Variants in ZDHHC11B observed in about 807,000 individuals in gnomAD.
ZDHHC11B encodes probable palmitoyltransferase ZDHHC11B.
Under a neutral mutation model 42.3 loss-of-function variants are expected in ZDHHC11B, and 17 were observed. The ratio of observed to expected loss-of-function variants is 0.40; its 90% CI spans 0.27 to 0.60. ZDHHC11B has a LOEUF of 0.60. Ranked by LOEUF, ZDHHC11B falls within the 20% of genes least tolerant of loss-of-function variation. The probability of loss-of-function intolerance (pLI) is 0.41; values close to 1 mark genes in which losing one functional copy is unlikely to be tolerated. For missense variants in ZDHHC11B, 262 were observed against 463.2 expected (o/e 0.57, Z 3.99); for synonymous variants, 123 against 193.5 (o/e 0.64, Z 3.02).
intron 12 of ZDHHC11B, among the ~76,000 whole-genome samples, chr5:720,286 A>G (rs1043058050): frequency 6.6e-6 from 1 of 151,854 alleles, no homozygotes; most frequent in Non-Finnish European, 1.5e-5. Flanking sequence ...AGAAGTGACT[A>G]ATCAGAATCA....
At chr5:776,930 T>C (rs1167112679) in intron 1 of ZDHHC11B, among the ~76,000 whole-genome samples, 3 of 151,920 alleles carry the variant, frequency 2.0e-5, no homozygotes, top group Non-Finnish European at 4.4e-5. Flanking sequence ...CGCCCCACTC[T>C]TCTCAGCCCA....
chr5:754,227 T>C (rs7723458), intron 6 of ZDHHC11B, among the ~76,000 whole-genome samples: 8,293 of 43,924 alleles, frequency 0.19, 33 homozygotes, highest in East Asian at 0.34. Context: ...ACACGTCTCA[T>C]CTATGAGCCT....
Position 761,960 on chromosome 5 carries a change from A to G in ZDHHC11B, c.222+4738T>C, listed in dbSNP as rs974361180. 9.7e-5 allele frequency among the ~76,000 whole-genome samples: 10 copies of G among 103,086 alleles called. 1 individual carries two copies. Among genetic ancestry groups the G allele is most frequent in the Non-Finnish European group, 1.8e-4 (9 of 49,410 alleles). 67.6% of individuals were successfully genotyped at this position (103,086 alleles called of 152,430 possible). A position where few individuals can be genotyped will look rare whatever the true frequency, so the allele number is the denominator to read the frequency against. ...CTCACAGCCCTGGGCAGCCACTCAC[A>G]GTCCTGGCTGGCCACTCACAGCCAT... On this transcript the variant is annotated intron_variant, in intron 4 of 13. Transcript: ENST00000508859.
chr5:726,336 G>T (rs1334153553), intron 12 of ZDHHC11B, among the ~76,000 whole-genome samples: 1 of 150,620 alleles, frequency 6.6e-6, no homozygotes, highest in East Asian at 2.0e-4. Flanking sequence ...AGTCTATAAG[G>T]TGGACCAGCT....
At position 766,535 on chromosome 5, in the gene ZDHHC11B, C is replaced by T. The variant is rs547116439; in HGVS notation, c.222+163G>A. On this transcript the variant is annotated intron_variant, in intron 4 of 13. Transcript: ENST00000508859. The stretch of plus-strand genomic sequence containing the variant: ...CCCTGAGCAGGGGCTGCACAGAGCA[C>T]GAATGGCCACTGGGCCCACCTGCAG... Among the ~76,000 whole-genome samples the T allele has an allele frequency of 3.9e-5, 6 of 151,990 alleles. 1 individual carries two copies. The highest frequency in any genetic ancestry group is 7.4e-5 in the Non-Finnish European group (5 of 67,914).
chr5:763,707 T>C (rs188367832), intron 4 of ZDHHC11B, among the ~76,000 whole-genome samples: 581 of 151,774 alleles, frequency 3.8e-3, no homozygotes, highest in Non-Finnish European at 6.8e-3. Context: ...ATTGGGGAAA[T>C]GGCCACATGG....
At chr5:777,178 G>A (rs1449476784) in intron 1 of ZDHHC11B, among the ~76,000 whole-genome samples, 2 of 151,892 alleles carry the variant, frequency 1.3e-5, no homozygotes, top group East Asian at 1.9e-4. Context: ...TCCTTCTGGT[G>A]GGTTCGTGGT....
At chr5:754,789 T>C (rs1733582855) in intron 6 of ZDHHC11B, among the ~76,000 whole-genome samples, 2 of 90,874 alleles carry the variant, frequency 2.2e-5, no homozygotes, top group South Asian at 1.0e-3. Flanking sequence ...TCTATGCGGA[T>C]GAGCTTGTCC....
chr5:759,779 C>T (rs1005681526), intron 4 of ZDHHC11B, among the ~76,000 whole-genome samples: 11 of 151,898 alleles, frequency 7.2e-5, no homozygotes, highest in Middle Eastern at 3.2e-3. Context: ...TTACCCTGCA[C>T]CTGACCTCCC....
At chr5:729,629 C>A (rs1313106301) in intron 12 of ZDHHC11B, among the ~76,000 whole-genome samples, 1 of 150,996 alleles carries the variant, frequency 6.6e-6, no homozygotes, top group Non-Finnish European at 1.5e-5. Flanking sequence ...ACTTCATTTT[C>A]TTTTAGGTTG....
At chr5:778,365 C>T (rs1214566570) in intron 1 of ZDHHC11B, among the ~76,000 whole-genome samples, 1 of 151,112 alleles carries the variant, frequency 6.6e-6, no homozygotes, top group Non-Finnish European at 1.5e-5. Context: ...CAAGGACTCT[C>T]ACGCGGGGCA....
At chr5:720,308 A>G (rs547931201) in intron 12 of ZDHHC11B, among the ~76,000 whole-genome samples, 5 of 151,922 alleles carry the variant, frequency 3.3e-5, no homozygotes, top group South Asian at 4.2e-4. Context: ...GAGATCCTTA[A>G]TAAAATTATC....
At chr5:776,488 G>A (rs1306669031) in intron 1 of ZDHHC11B, among the ~76,000 whole-genome samples, 10 of 152,008 alleles carry the variant, frequency 6.6e-5, no homozygotes, top group Middle Eastern at 3.4e-3. Context: ...AGGGCTGAGG[G>A]GAAAGTCTCC....
intron 1 of ZDHHC11B, among the ~76,000 whole-genome samples, chr5:770,761 C>T (rs1249475356): frequency 6.6e-6 from 1 of 152,026 alleles, no homozygotes; most frequent in African/African-American, 2.4e-5. Context: ...GGGGAGGGGA[C>T]TGCCAGTGTG....
At position 775,162 on chromosome 5, in the gene ZDHHC11B, T is replaced by G. The variant is rs1430420035; in HGVS notation, c.-229-6232A>C. Among the ~76,000 whole-genome samples, 5 of 151,932 alleles carry G rather than the reference T, an allele frequency of 3.3e-5. 1 individual carries two copies. Among genetic ancestry groups the G allele is most frequent in the Non-Finnish European group, 7.4e-5 (5 of 67,906 alleles). ...TGAGAACCTCTGTCCTGGTCACAAG[T>G]GTCCTGCAGGCCCCCTGGGTTGTGC... On this transcript the variant is annotated intron_variant, in intron 1 of 13. Transcript: ENST00000508859.
chr5:730,319 C>G (rs1413998366), intron 12 of ZDHHC11B, 115 bp downstream of exon 12: 4 of 1,290,692 alleles, frequency 3.1e-6, no homozygotes, highest in Non-Finnish European at 4.2e-6. Flanking sequence ...TCTACTTTCC[C>G]TTATGTCATC....
At chr5:717,868 C>T (rs1444214007) in intron 12 of ZDHHC11B, among the ~76,000 whole-genome samples, 20 of 151,780 alleles carry the variant, frequency 1.3e-4, no homozygotes, top group South Asian at 4.2e-4. Context: ...GTAGGCTGAG[C>T]GGCCAGGCAG....
rs145236710 is a variant in ZDHHC11B at position 766,334 on chromosome 5, G to T, written c.222+364C>A. ...CGCTGGAAGATGGGAGCAGAACCAGGTCCCCCACCTGCTGGGAGATGGGAG... is the reference window on the plus strand; with the variant it reads ...CGCTGGAAGATGGGAGCAGAACCAGTTCCCCCACCTGCTGGGAGATGGGAG... On this transcript the variant is annotated intron_variant, in intron 4 of 13. Coordinates refer to ENST00000508859, the MANE Select transcript of ZDHHC11B (RefSeq NM_001351303.2). Among the ~76,000 whole-genome samples the T allele has an allele frequency of 3.2e-3, 480 of 151,944 alleles. 13 individuals are homozygous for T. The highest frequency in any genetic ancestry group is 5.0e-3 in the Non-Finnish European group (340 of 67,882).
chr5:750,312 G>A (rs1224453705), intron 7 of ZDHHC11B, among the ~76,000 whole-genome samples: 3 of 133,146 alleles, frequency 2.3e-5, no homozygotes, highest in South Asian at 2.5e-4. Context: ...GGACAGTTGA[G>A]CGCGCTGCCT....
Sources: gnomAD v4.1 joint callset for allele counts (sites outside exome capture counted in the v4.1 genomes callset) on GRCh38, gnomAD v4.1.1 for gene constraint, MANE v1.5 for transcripts, NCBI Gene and HGNC (gene_info 2026-07-23, HGNC 2026-07-21) for gene names.